The following MMP26 variants were observed in gnomAD, a reference collection of about 807,000 sequenced individuals.
MMP26 encodes the protein matrix metallopeptidase 26, also known as matrix metalloproteinase-26.
In MMP26, 33 loss-of-function variants were observed where a neutral mutation model predicts 31.0. That is an observed-to-expected ratio of 1.06 (90% CI 0.81 to 1.42). The LOEUF is 1.42. MMP26 is among the 40% of genes most tolerant of loss of function. The probability of loss-of-function intolerance (pLI) is 0.00; values close to 1 mark genes in which losing one functional copy is unlikely to be tolerated. For synonymous variants in MMP26, 122 were observed against 114.9 expected (o/e 1.06, Z -0.40); for missense variants, 347 against 316.1 (o/e 1.10, Z -0.74).
At chr11:4,878,870 T>C (rs1423566817) in intron 2 of MMP26, among the ~76,000 whole-genome samples, 1 of 152,132 alleles carries the variant, frequency 6.6e-6, no homozygotes, top group African/African-American at 2.4e-5. Flanking sequence ...TCCTTGATAC[T>C]CACTGGGATA....
At chr11:4,899,676 T>C (rs1850773111) in intron 2 of MMP26, among the ~76,000 whole-genome samples, 1 of 152,186 alleles carries the variant, frequency 6.6e-6, no homozygotes, top group Admixed American at 6.5e-5. Context: ...GCCCTATCTT[T>C]TCCTGATGAT....
At chr11:4,868,583 G>C (rs1429758320) in intron 2 of MMP26, among the ~76,000 whole-genome samples, 2 of 152,116 alleles carry the variant, frequency 1.3e-5, no homozygotes, top group East Asian at 3.9e-4. Context: ...CAAACAAATG[G>C]AAGAACATTC....
At chr11:4,886,656 A>G (rs1312907622) in intron 2 of MMP26, among the ~76,000 whole-genome samples, 1 of 141,672 alleles carries the variant, frequency 7.1e-6, no homozygotes, top group Non-Finnish European at 1.6e-5. Context: ...TTACTCAAAA[A>G]GTGCAAGAAT....
chr11:4,856,461 A>G (rs1013611002), intron 2 of MMP26, among the ~76,000 whole-genome samples: 11 of 152,236 alleles, frequency 7.2e-5, no homozygotes, highest in African/African-American at 1.4e-4. Flanking sequence ...AACAAAGATC[A>G]AAAGAGACAA....
At chr11:4,744,552 A>G (rs1380642654) in intron 1 of MMP26, among the ~76,000 whole-genome samples, 2 of 152,184 alleles carry the variant, frequency 1.3e-5, no homozygotes, top group African/African-American at 2.4e-5. Flanking sequence ...CTGAGGTCCA[A>G]TTCAGCTCCC....
rs1433921918 is a variant in MMP26 at position 4,991,479 on chromosome 11, G to A, written c.578G>A (p.Trp193Ter). The A allele has an allele frequency of 2.5e-6, 4 of 1,613,762 alleles. No individual in the cohort carries two copies. Among genetic ancestry groups the A allele is most frequent in the South Asian group, 1.1e-5 (1 of 90,988 alleles). ...GVVHFDKNEH[W>*]SASDTGYNLF... The stretch of plus-strand genomic sequence containing the variant: ...GTCCATTTTGACAAGAATGAACACT[G>A]GTCAGCTTCAGACACTGGTAAATGC... Residue 193 changes from tryptophan (W) to a stop codon, truncating the protein, a stop_gained, in exon 6 of 8, where the codon TGG becomes TAG. Coordinates refer to ENST00000380390, the MANE Select transcript of MMP26 (RefSeq NM_021801.5). LOFTEE classifies it high-confidence loss of function.
At chr11:4,921,284 C>T (rs1206836833) in intron 2 of MMP26, among the ~76,000 whole-genome samples, 2 of 152,170 alleles carry the variant, frequency 1.3e-5, no homozygotes, top group South Asian at 2.1e-4. Context: ...CCAAATCCTG[C>T]CTTGGGGCCT....
At chr11:4,912,154 C>T (rs1237993451) in intron 2 of MMP26, among the ~76,000 whole-genome samples, 2 of 152,016 alleles carry the variant, frequency 1.3e-5, no homozygotes, top group Non-Finnish European at 2.9e-5. Context: ...AAAGAACATG[C>T]TAAGAATTAT....
intron 2 of MMP26, among the ~76,000 whole-genome samples, chr11:4,836,499 T>G (rs1232343308): frequency 1.3e-5 from 2 of 151,242 alleles, no homozygotes; most frequent in Non-Finnish European, 2.9e-5. Context: ...AAAAAGAATG[T>G]ATTTAACAGG....
chr11:4,743,968 C>G (rs569990578), intron 1 of MMP26, among the ~76,000 whole-genome samples: 45 of 151,072 alleles, frequency 3.0e-4, no homozygotes, highest in African/African-American at 1.1e-3. Flanking sequence ...ACCTTACCAC[C>G]TAATTTGTTT....
intron 2 of MMP26, chr11:4,848,834 G>C (rs143546045): frequency 9.9e-6 from 16 of 1,614,026 alleles, no homozygotes; most frequent in Non-Finnish European, 1.3e-5. Flanking sequence ...CAATGGACAT[G>C]GCGAGCAAGA....
At chr11:4,857,613 C>T (rs1850074259) in intron 2 of MMP26, among the ~76,000 whole-genome samples, 1 of 152,094 alleles carries the variant, frequency 6.6e-6, no homozygotes, top group African/African-American at 2.4e-5. Context: ...AGTCCAGGAC[C>T]AGAGGGATTC....
At chr11:4,715,482 AAAATTTTTTGTCT>A (rs1847917724) in intron 1 of MMP26, among the ~76,000 whole-genome samples, 5 of 152,330 alleles carry the variant, frequency 3.3e-5, no homozygotes, top group Admixed American at 3.3e-4. Context: ...TAGTGGATCT[AAAATTTTTTGTCT>A]TATTCAAAAA....
chr11:4,833,890 A>G (rs1270527538), intron 2 of MMP26, among the ~76,000 whole-genome samples: 1 of 152,184 alleles, frequency 6.6e-6, no homozygotes, highest in Non-Finnish European at 1.5e-5. Flanking sequence ...ACCATGATGC[A>G]TATATCTCTC....
chr11:4,914,409 T>C (rs1257898566), intron 2 of MMP26: 2 of 259,364 alleles, frequency 7.7e-6, no homozygotes, highest in Non-Finnish European at 7.4e-6. Flanking sequence ...ACAAATTCTA[T>C]CCAGTTTCAA....
chr11:4,821,446 G>A (rs1849496864), intron 2 of MMP26: 2 of 1,613,642 alleles, frequency 1.2e-6, no homozygotes, highest in African/African-American at 2.7e-5. Flanking sequence ...TAATACCATT[G>A]CTGAGCCTCT....
At position 4,882,335 on chromosome 11, in the gene MMP26, A is replaced by G. The variant is rs138974420; in HGVS notation, c.-144-105733A>G. On this transcript the variant is annotated intron_variant, in intron 2 of 7. Transcript: ENST00000380390. ...CCTCACAGACAGGATGGTCCTGGTG[A>G]TAGGGCTGGTCATCTGCATTAGACC... 67 of 1,613,688 alleles carry G rather than the reference A, an allele frequency of 4.2e-5. No homozygotes were observed. Among genetic ancestry groups the G allele is most frequent in the Middle Eastern group, 1.6e-4 (1 of 6,072 alleles).
intron 2 of MMP26, chr11:4,849,008 C>T (rs1457812361): frequency 6.2e-7 from 1 of 1,614,072 alleles, no homozygotes; most frequent in African/African-American, 1.3e-5. Context: ...GGAAGAAGTG[C>T]ATTGGGCGGT....
chr11:4,757,348 C>G (rs146827730), intron 1 of MMP26, among the ~76,000 whole-genome samples: 33 of 151,836 alleles, frequency 2.2e-4, no homozygotes, highest in African/African-American at 8.0e-4. Context: ...GATTACAGAC[C>G]TAAATGTAAG....
Sources: gnomAD v4.1 joint callset for allele counts (sites outside exome capture counted in the v4.1 genomes callset) on GRCh38, gnomAD v4.1.1 for gene constraint, MANE v1.5 for transcripts, NCBI Gene and HGNC (gene_info 2026-07-23, HGNC 2026-07-21) for gene names.